SAMTOR: variants seen among roughly 807,000 people sequenced by gnomAD.
SAMTOR encodes the protein S-adenosylmethionine sensor upstream of mTORC1, also known as UPF0532 protein C7orf60.
the SAMTOR span, among the ~76,000 whole-genome samples, chr7:112,875,724 C>A: frequency 1.3e-5 from 2 of 152,252 alleles, no homozygotes; most frequent in East Asian, 3.9e-4. Context: ...AAATCCCTCT[C>A]AAGGTCAATG....
chr7:112,938,704 A>C, the SAMTOR span, among the ~76,000 whole-genome samples: 2 of 152,216 alleles, frequency 1.3e-5, no homozygotes, highest in Non-Finnish European at 1.5e-5. Context: ...TCAAAATCTT[A>C]TAAAACAGCT....
At chr7:112,825,612 G>A in the SAMTOR span, among the ~76,000 whole-genome samples, 3 of 152,118 alleles carry the variant, frequency 2.0e-5, no homozygotes, top group Non-Finnish European at 4.4e-5. Flanking sequence ...TCAAATAGAT[G>A]ATCGATGACA....
the SAMTOR span, among the ~76,000 whole-genome samples, chr7:112,846,914 T>C: frequency 6.6e-6 from 1 of 152,260 alleles, no homozygotes; most frequent in East Asian, 1.9e-4. Flanking sequence ...ATTTTTCCCA[T>C]TTTAATTACT....
the SAMTOR span, among the ~76,000 whole-genome samples, chr7:112,872,809 A>G: frequency 6.6e-6 from 1 of 151,824 alleles, no homozygotes; most frequent in Non-Finnish European, 1.5e-5. Flanking sequence ...CAGTAGTAAA[A>G]AAAAAAAAAA....
At chr7:112,902,432 A>C in the SAMTOR span, among the ~76,000 whole-genome samples, 13 of 110,978 alleles carry the variant, frequency 1.2e-4, 2 homozygotes, top group African/African-American at 2.9e-4. Flanking sequence ...AAAAAAACAA[A>C]AAAAAACAAA....
At chr7:112,832,715 G>A in the SAMTOR span, 3 of 1,251,992 alleles carry the variant, frequency 2.4e-6, no homozygotes, top group Non-Finnish European at 3.5e-6. Flanking sequence ...TCAAATATGA[G>A]AATGTAAGAA....
At chr7:112,854,737 A>C in the SAMTOR span, among the ~76,000 whole-genome samples, 1 of 152,186 alleles carries the variant, frequency 6.6e-6, no homozygotes, top group African/African-American at 2.4e-5. Context: ...ACATATTACT[A>C]TCTTACAGAC....
At chr7:112,922,900 C>A in the SAMTOR span, among the ~76,000 whole-genome samples, 3 of 142,182 alleles carry the variant, frequency 2.1e-5, no homozygotes, top group Non-Finnish European at 4.6e-5. Flanking sequence ...CCCCCCCCCC[C>A]CGGGCCAGCC....
At chr7:112,835,729 T>C in the SAMTOR span, among the ~76,000 whole-genome samples, 3 of 152,108 alleles carry the variant, frequency 2.0e-5, no homozygotes, top group African/African-American at 4.8e-5. Flanking sequence ...AGTGAGAACA[T>C]GAAGTATGTG....
the SAMTOR span, among the ~76,000 whole-genome samples, chr7:112,899,492 G>C: frequency 6.6e-6 from 1 of 152,254 alleles, no homozygotes; most frequent in East Asian, 1.9e-4. Flanking sequence ...AGGAAGTACA[G>C]AGACTGGGGT....
chr7:112,935,148 G>A, the SAMTOR span: 3 of 404,292 alleles, frequency 7.4e-6, no homozygotes, highest in East Asian at 7.4e-5. Context: ...ATCAGAATAA[G>A]TATAAGAAGA....
chr7:112,858,243 T>G, the SAMTOR span, among the ~76,000 whole-genome samples: 1 of 151,996 alleles, frequency 6.6e-6, no homozygotes, highest in Non-Finnish European at 1.5e-5. Context: ...ATTCATAGTC[T>G]TTGAACTGCA....
At chr7:112,902,885 A>T in the SAMTOR span, among the ~76,000 whole-genome samples, 1 of 152,244 alleles carries the variant, frequency 6.6e-6, no homozygotes. Context: ...GTATCTCCTG[A>T]TGTATTAAAC....
the SAMTOR span, among the ~76,000 whole-genome samples, chr7:112,933,011 T>G: frequency 6.6e-6 from 1 of 152,150 alleles, no homozygotes; most frequent in South Asian, 2.1e-4. Context: ...TTAGAAAATT[T>G]TACTTGAATT....
the SAMTOR span, among the ~76,000 whole-genome samples, chr7:112,932,172 G>A: frequency 1.5e-4 from 23 of 152,026 alleles, no homozygotes; most frequent in African/African-American, 3.1e-4. Context: ...TGATCCACCC[G>A]CCTCGGCCTC....
chr7:112,880,923 T>C, the SAMTOR span, among the ~76,000 whole-genome samples: 4 of 152,152 alleles, frequency 2.6e-5, no homozygotes. Flanking sequence ...ACACACTCCA[T>C]GAAGCTGGCA....
At chr7:112,935,748 A>G in the SAMTOR span, among the ~76,000 whole-genome samples, 1 of 152,248 alleles carries the variant, frequency 6.6e-6, no homozygotes, top group Non-Finnish European at 1.5e-5. Flanking sequence ...AAATGGAATG[A>G]AAAGTGTACT....
chr7:112,939,851 G>A, the SAMTOR span: 1 of 859,966 alleles, frequency 1.2e-6, no homozygotes, highest in Non-Finnish European at 1.8e-6. Context: ...GCAGCAGCCA[G>A]AGGAGGCAGA....
the SAMTOR span, among the ~76,000 whole-genome samples, chr7:112,859,664 C>T: frequency 4.0e-5 from 6 of 151,398 alleles, no homozygotes; most frequent in Admixed American, 6.6e-5. Flanking sequence ...TCTAGACTAA[C>T]AAATGTGTTT....
Sources: gnomAD v4.1 joint callset for allele counts (sites outside exome capture counted in the v4.1 genomes callset) on GRCh38, gnomAD v4.1.1 for gene constraint, MANE v1.5 for transcripts, NCBI Gene and HGNC (gene_info 2026-07-23, HGNC 2026-07-21) for gene names.